Variants in GPBP1 observed in about 807,000 individuals in gnomAD.
GPBP1 encodes the protein GC-rich promoter binding protein 1.
Under a neutral mutation model 56.5 loss-of-function variants are expected in GPBP1, and 13 were observed. That is an observed-to-expected ratio of 0.23 (90% CI 0.15 to 0.37). The LOEUF is 0.37. GPBP1 is among the 10% of genes least tolerant of loss of function. The pLI, the probability that GPBP1 is intolerant of heterozygous loss-of-function variation, is 1.00. For missense variants in GPBP1, 477 were observed against 572.3 expected (o/e 0.83, Z 1.70); for synonymous variants, 204 against 188.9 (o/e 1.08, Z -0.66).
intron 3 of GPBP1, among the ~76,000 whole-genome samples, chr5:57,225,636 C>T (rs1389165653): frequency 1.3e-5 from 2 of 152,230 alleles, no homozygotes; most frequent in Admixed American, 1.3e-4. Context: ...GGAGGGAGAG[C>T]AGACAACTCC....
At position 57,191,571 on chromosome 5, in the gene GPBP1, T is replaced by C. The variant is rs1002517249; in HGVS notation, c.-58+15171T>C. 7.2e-5 allele frequency among the ~76,000 whole-genome samples: 11 copies of C among 151,920 alleles called. No homozygotes were observed. In the East Asian group the frequency reaches 2.1e-3, roughly 29 times the overall value. ...ATTTATCTTTAGGTTTTTTTTTTTT[T>C]TGTTTGTTTGAGACCGAGTGTCACT... On this transcript the variant is annotated intron_variant, in intron 2 of 11. Coordinates refer to ENST00000506184, the MANE Select transcript of GPBP1 (RefSeq NM_022913.4).
At chr5:57,205,323 G>A (rs1192526751) in intron 2 of GPBP1, among the ~76,000 whole-genome samples, 1 of 152,082 alleles carries the variant, frequency 6.6e-6, no homozygotes. Context: ...TTTGTCTATT[G>A]ATGGACATTT....
Position 57,175,254 on chromosome 5 carries a change from C to T in GPBP1, c.-1010-194C>T, listed in dbSNP as rs374115941. On this transcript the variant is annotated intron_variant, in intron 1 of 11. Transcript: ENST00000506184. ...TACCGTCACCTACCGTTTTTCCCTCCCTCTACTCCGATGTCTTGTTCATTC... is the reference window on the plus strand; with the variant it reads ...TACCGTCACCTACCGTTTTTCCCTCTCTCTACTCCGATGTCTTGTTCATTC... 5.9e-5 allele frequency among the ~76,000 whole-genome samples: 9 copies of T among 152,150 alleles called. No individual in the cohort carries two copies. In the South Asian group the frequency reaches 6.2e-4, roughly 11 times the overall value.
At chr5:57,227,232 T>C (rs985864750) in intron 3 of GPBP1, among the ~76,000 whole-genome samples, 1 of 152,060 alleles carries the variant, frequency 6.6e-6, no homozygotes, top group African/African-American at 2.4e-5. Context: ...TTTGTACTTT[T>C]AGTGAATTTA....
At chr5:57,199,524 C>CTT (rs1754906459) in intron 2 of GPBP1, among the ~76,000 whole-genome samples, 1 of 151,698 alleles carries the variant, frequency 6.6e-6, no homozygotes, top group Admixed American at 6.6e-5. Flanking sequence ...TACCAGATTT[C>CTT]TTTTCTTTTC....
intron 10 of GPBP1, among the ~76,000 whole-genome samples, chr5:57,252,712 T>TA (rs201968970): frequency 8.5e-4 from 127 of 150,212 alleles, no homozygotes; most frequent in Middle Eastern, 3.6e-3. Flanking sequence ...GTTTTTATTG[T>TA]AAATTTTTTT....
intron 10 of GPBP1, among the ~76,000 whole-genome samples, chr5:57,257,002 G>A (rs117392847): frequency 0.015 from 2,340 of 151,398 alleles, 139 homozygotes; most frequent in East Asian, 0.098. Flanking sequence ...CATATTAGTT[G>A]AATTCAATAA....
intron 10 of GPBP1, among the ~76,000 whole-genome samples, chr5:57,252,025 A>G (rs1024710809): frequency 2.0e-5 from 3 of 152,186 alleles, no homozygotes; most frequent in African/African-American, 7.2e-5. Context: ...AAGTTGTAAG[A>G]GTTCTTTATA....
At chr5:57,205,584 T>A (rs1468251923) in intron 2 of GPBP1, among the ~76,000 whole-genome samples, 5 of 141,854 alleles carry the variant, frequency 3.5e-5, no homozygotes, top group Non-Finnish European at 7.7e-5. Context: ...TATTTCCTCT[T>A]TTTTTTTTTT....
At chr5:57,186,078 A>G (rs1412444681) in intron 2 of GPBP1, among the ~76,000 whole-genome samples, 3 of 152,274 alleles carry the variant, frequency 2.0e-5, no homozygotes, top group East Asian at 3.9e-4. Flanking sequence ...TTCTTGATAC[A>G]GTGTCTTTTG....
intron 6 of GPBP1, among the ~76,000 whole-genome samples, chr5:57,241,236 ATGTCAACTC>A (rs1740812203): frequency 6.6e-6 from 1 of 152,188 alleles, no homozygotes; most frequent in African/African-American, 2.4e-5. Context: ...AGGAATTGAA[ATGTCAACTC>A]TGAATTATCT....
intron 3 of GPBP1, among the ~76,000 whole-genome samples, chr5:57,216,816 T>G (rs919530611): frequency 2.0e-5 from 3 of 152,180 alleles, no homozygotes; most frequent in African/African-American, 7.2e-5. Context: ...ATAACCTGCT[T>G]TACTTTCTCC....
intron 2 of GPBP1, among the ~76,000 whole-genome samples, chr5:57,211,681 T>C (rs1010762166): frequency 1.3e-5 from 2 of 151,802 alleles, no homozygotes; most frequent in Admixed American, 1.3e-4. Context: ...CCTCCCGGGT[T>C]CAAGCAATTC....
chr5:57,195,777 C>T (rs1319936469), intron 2 of GPBP1, among the ~76,000 whole-genome samples: 1 of 151,614 alleles, frequency 6.6e-6, no homozygotes, highest in Admixed American at 6.6e-5. Flanking sequence ...CTGAGGCAGG[C>T]GGATCACCTG....
chr5:57,216,767 G>A (rs1249587632), intron 3 of GPBP1, among the ~76,000 whole-genome samples: 2 of 152,078 alleles, frequency 1.3e-5, no homozygotes, highest in African/African-American at 4.8e-5. Context: ...ATTTATTTAA[G>A]AAAATCTGAA....
chr5:57,207,922 G>A (rs748363122), intron 2 of GPBP1, among the ~76,000 whole-genome samples: 2 of 152,046 alleles, frequency 1.3e-5, no homozygotes, highest in African/African-American at 2.4e-5. Flanking sequence ...GTGTTCTTCC[G>A]CCGATATGTC....
chr5:57,247,020 C>T lies in GPBP1; in HGVS notation c.664-55C>T, dbSNP rs534439193. 2.6e-6 allele frequency: 4 copies of T among 1,529,290 alleles called. No individual in the cohort carries two copies. In the African/African-American group the frequency reaches 4.2e-5, roughly 16 times the overall value. The allele number at this position is 1,529,290 out of a possible 1,614,324, so 94.7% of individuals were successfully genotyped here. ...GTTTTATAATATTCACTGTTTTTGT[C>T]TTTCTCCTGTAACCTGTTTTTGATA... On this transcript the variant is annotated intron_variant, in intron 7 of 11. Transcript: ENST00000506184.
At chr5:57,260,702 A>G (rs1224529158) in intron 10 of GPBP1, among the ~76,000 whole-genome samples, 1 of 152,182 alleles carries the variant, frequency 6.6e-6, no homozygotes, top group African/African-American at 2.4e-5. Flanking sequence ...TTTAAAAACA[A>G]ACCCTTTCAT....
At chr5:57,222,106 G>T (rs1234745937) in intron 3 of GPBP1, among the ~76,000 whole-genome samples, 3 of 151,914 alleles carry the variant, frequency 2.0e-5, no homozygotes, top group Non-Finnish European at 2.9e-5. Flanking sequence ...CTTGAAATCA[G>T]TGCTGGGATT....
Sources: gnomAD v4.1 joint callset for allele counts (sites outside exome capture counted in the v4.1 genomes callset) on GRCh38, gnomAD v4.1.1 for gene constraint, MANE v1.5 for transcripts, NCBI Gene and HGNC (gene_info 2026-07-23, HGNC 2026-07-21) for gene names.